The following AEBP2 variants were observed in gnomAD, a reference collection of about 807,000 sequenced individuals.
AEBP2 encodes the protein zinc finger protein AEBP2.
Under a neutral mutation model 50.8 loss-of-function variants are expected in AEBP2, and 10 were observed. The ratio of observed to expected loss-of-function variants is 0.20; its 90% CI spans 0.12 to 0.33. The LOEUF is 0.33. Among genes scored for constraint, AEBP2 ranks in the 10% least tolerant of loss-of-function variants. AEBP2 has a pLI of 1.00. For missense variants in AEBP2, 570 were observed against 688.0 expected, an observed-to-expected ratio of 0.83 and a Z score of 1.92; for synonymous variants, 296 against 261.3, an observed-to-expected ratio of 1.13 and a Z score of -1.28.
intron 3 of AEBP2, among the ~76,000 whole-genome samples, chr12:19,479,817 A>G (rs976418456): frequency 3.3e-5 from 4 of 119,530 alleles, no homozygotes; most frequent in African/African-American, 1.0e-4. Flanking sequence ...TTTGGTTTCT[A>G]TTTGCATGGA....
chr12:19,494,320 A>G (rs1247911393), intron 4 of AEBP2, among the ~76,000 whole-genome samples: 4 of 152,148 alleles, frequency 2.6e-5, no homozygotes, highest in African/African-American at 9.7e-5. Flanking sequence ...AGTGAAAGTT[A>G]AGTAATCTAT....
intron 5 of AEBP2, among the ~76,000 whole-genome samples, chr12:19,501,105 G>A (rs565839421): frequency 7.9e-5 from 12 of 152,222 alleles, no homozygotes; most frequent in African/African-American, 2.6e-4. Flanking sequence ...CTAGGCAGGT[G>A]GATCACCTGA....
At chr12:19,469,800 T>C (rs1398163344) in intron 2 of AEBP2, among the ~76,000 whole-genome samples, 1 of 152,234 alleles carries the variant, frequency 6.6e-6, no homozygotes, top group Non-Finnish European at 1.5e-5. Context: ...CACAATTTGC[T>C]GTACCATGAG....
chr12:19,413,468 G>T (rs2095740547), intron 1 of AEBP2: 1 of 1,074,822 alleles, frequency 9.3e-7, no homozygotes, highest in Non-Finnish European at 1.4e-6. Flanking sequence ...TGAACTACAA[G>T]TGCTCACAGA....
intron 5 of AEBP2, among the ~76,000 whole-genome samples, chr12:19,504,386 C>CA (rs1321883761): frequency 1.3e-5 from 2 of 151,308 alleles, no homozygotes; most frequent in Non-Finnish European, 2.9e-5. Flanking sequence ...AGGCGCCCCC[C>CA]CCACCACGCC....
At chr12:19,514,391 C>G (rs1423945597) in intron 6 of AEBP2, among the ~76,000 whole-genome samples, 3 of 152,148 alleles carry the variant, frequency 2.0e-5, no homozygotes, top group Non-Finnish European at 4.4e-5. Flanking sequence ...TAAAAGCTAG[C>G]CAGTGTGTTC....
rs572408711 is a variant in AEBP2 at position 19,443,910 on chromosome 12, G to A, written c.671+3540G>A. On this transcript the variant is annotated intron_variant, in intron 1 of 7. Transcript: ENST00000266508. ...TTCAAAACCAGTGTAAGTTTATAGC[G>A]TGTTTATTTTAGTAAATTTAGAAAT... 8.5e-5 allele frequency among the ~76,000 whole-genome samples: 13 copies of A among 152,052 alleles called. No homozygotes were observed. The South Asian group carries it at 2.3e-3, about 27-fold the overall frequency.
At chr12:19,459,884 G>A (rs1377667283) in intron 1 of AEBP2, among the ~76,000 whole-genome samples, 3 of 152,104 alleles carry the variant, frequency 2.0e-5, no homozygotes, top group East Asian at 1.9e-4. Flanking sequence ...AAATGGATAC[G>A]TTTCTAGCAT....
intron 5 of AEBP2, among the ~76,000 whole-genome samples, chr12:19,502,895 G>A (rs922182598): frequency 9.2e-5 from 14 of 152,086 alleles, no homozygotes; most frequent in African/African-American, 1.7e-4. Flanking sequence ...TGATCCAGCC[G>A]CTTCAGCTTC....
At chr12:19,515,436 C>G (rs1052893032) in intron 7 of AEBP2, among the ~76,000 whole-genome samples, 2 of 152,200 alleles carry the variant, frequency 1.3e-5, no homozygotes, top group Admixed American at 6.5e-5. Flanking sequence ...AAAACTGAGG[C>G]AAGAGGTTAA....
chr12:19,463,920 C>T (rs1333618472), intron 2 of AEBP2, among the ~76,000 whole-genome samples: 1 of 152,152 alleles, frequency 6.6e-6, no homozygotes, highest in Admixed American at 6.5e-5. Context: ...CCCACCTCGG[C>T]CTCCCAGAGT....
chr12:19,404,558 A>G (rs1016677396), intron 1 of AEBP2, among the ~76,000 whole-genome samples: 9 of 152,174 alleles, frequency 5.9e-5, no homozygotes, highest in African/African-American at 1.7e-4. Flanking sequence ...TCTACACACT[A>G]TTCTGTCTTT....
chr12:19,458,694 G>A (rs995876466), intron 1 of AEBP2, among the ~76,000 whole-genome samples: 6 of 151,954 alleles, frequency 3.9e-5, no homozygotes, highest in Non-Finnish European at 8.8e-5. Flanking sequence ...ATGATGTTTC[G>A]CAGCTATATA....
chr12:19,450,667 CAAA>C (rs377612745), intron 1 of AEBP2, among the ~76,000 whole-genome samples: 2 of 119,674 alleles, frequency 1.7e-5, no homozygotes. Context: ...CCATCTCTAC[CAAA>C]AAAAAAAAAA....
chr12:19,497,593 T>C (rs997046781), intron 4 of AEBP2, among the ~76,000 whole-genome samples: 1 of 152,064 alleles, frequency 6.6e-6, no homozygotes, highest in Non-Finnish European at 1.5e-5. Context: ...GTGCGTCAGC[T>C]TCTTGAGTAG....
chr12:19,484,066 A>G (rs1054570056), intron 3 of AEBP2, among the ~76,000 whole-genome samples: 2 of 151,950 alleles, frequency 1.3e-5, no homozygotes, highest in South Asian at 2.1e-4. Flanking sequence ...GAGACATTAC[A>G]TCTTTTTGTT....
intron 1 of AEBP2, among the ~76,000 whole-genome samples, chr12:19,454,621 T>C (rs557920174): frequency 1.4e-4 from 21 of 152,340 alleles, no homozygotes; most frequent in African/African-American, 5.1e-4. Flanking sequence ...TTATGCTTGA[T>C]TTCAGGTTAT....
chr12:19,425,476 G>A (rs550078744), intron 1 of AEBP2, among the ~76,000 whole-genome samples: 35 of 152,136 alleles, frequency 2.3e-4, no homozygotes, highest in African/African-American at 6.7e-4. Context: ...GGATCAAATA[G>A]ATGAATTAGG....
intron 3 of AEBP2, among the ~76,000 whole-genome samples, chr12:19,484,304 T>G (rs1052772335): frequency 2.2e-5 from 3 of 137,770 alleles, no homozygotes; most frequent in African/African-American, 8.2e-5. Flanking sequence ...GGGGTTTCAC[T>G]ACATTGGCCA....
Sources: gnomAD v4.1 joint callset for allele counts (sites outside exome capture counted in the v4.1 genomes callset) on GRCh38, gnomAD v4.1.1 for gene constraint, MANE v1.5 for transcripts, NCBI Gene and HGNC (gene_info 2026-07-23, HGNC 2026-07-21) for gene names.